The following JARID2 variants were observed in gnomAD, a reference collection of about 807,000 sequenced individuals.
JARID2 encodes protein Jumonji.
JARID2 carries 21 observed loss-of-function variants against 125.6 expected under a neutral mutation model. The ratio of observed to expected loss-of-function variants is 0.17; its 90% CI spans 0.12 to 0.24. JARID2 has a LOEUF of 0.24. JARID2 is among the 10% of genes least tolerant of loss of function. The pLI, the probability that JARID2 is intolerant of heterozygous loss-of-function variation, is 1.00. For synonymous variants in JARID2, 736 were observed against 661.6 expected (o/e 1.11, Z -1.73); for missense variants, 1,303 against 1,639.6 (o/e 0.79, Z 3.55).
chr6:15,482,027 G>C (rs1298170389), intron 5 of JARID2, among the ~76,000 whole-genome samples: 2 of 152,178 alleles, frequency 1.3e-5, no homozygotes, highest in Non-Finnish European at 2.9e-5. Flanking sequence ...CAATCAAAGA[G>C]TTGTGCATCT....
At chr6:15,516,095 A>G (rs1383599964) in intron 16 of JARID2, among the ~76,000 whole-genome samples, 1 of 151,758 alleles carries the variant, frequency 6.6e-6, no homozygotes, top group Non-Finnish European at 1.5e-5. Context: ...ACATTTGTGA[A>G]TTTAAATTTG....
intron 1 of JARID2, among the ~76,000 whole-genome samples, chr6:15,327,980 C>A (rs1354035797): frequency 2.6e-5 from 4 of 152,160 alleles, no homozygotes; most frequent in Admixed American, 6.5e-5. Flanking sequence ...TTTCAGAGAA[C>A]CCCTACCATC....
chr6:15,266,908 A>G (rs1196678817), intron 1 of JARID2, among the ~76,000 whole-genome samples: 1 of 152,172 alleles, frequency 6.6e-6, no homozygotes, highest in Admixed American at 6.5e-5. Flanking sequence ...GTCCAGGAGG[A>G]TCACCAGGCC....
At chr6:15,338,489 G>A (rs1289098482) in intron 1 of JARID2, among the ~76,000 whole-genome samples, 1 of 152,234 alleles carries the variant, frequency 6.6e-6, no homozygotes, top group Non-Finnish European at 1.5e-5. Context: ...TAGACATTGA[G>A]GACAGATGGG....
At chr6:15,424,853 C>G (rs1395757875) in intron 3 of JARID2, among the ~76,000 whole-genome samples, 1 of 152,154 alleles carries the variant, frequency 6.6e-6, no homozygotes, top group Non-Finnish European at 1.5e-5. Flanking sequence ...GAGCAAAACT[C>G]TGTCTCAAAC....
At chr6:15,416,422 C>T (rs1766214714) in intron 3 of JARID2, among the ~76,000 whole-genome samples, 1 of 152,224 alleles carries the variant, frequency 6.6e-6, no homozygotes, top group Admixed American at 6.5e-5. Context: ...GAACCAGACT[C>T]CGTCTGCAAT....
intron 1 of JARID2, among the ~76,000 whole-genome samples, chr6:15,334,604 C>T (rs1342833562): frequency 1.3e-5 from 2 of 152,186 alleles, no homozygotes; most frequent in Admixed American, 6.5e-5. Flanking sequence ...TTCCATTGCG[C>T]TTTGGGGTAC....
chr6:15,386,644 T>G (rs1334728339), intron 2 of JARID2, among the ~76,000 whole-genome samples: 1 of 152,238 alleles, frequency 6.6e-6, no homozygotes, highest in East Asian at 1.9e-4. Context: ...TAAATGTATT[T>G]GCTCATTGTG....
intron 1 of JARID2, among the ~76,000 whole-genome samples, chr6:15,317,326 A>G (rs1431664104): frequency 6.6e-6 from 1 of 152,154 alleles, no homozygotes; most frequent in East Asian, 1.9e-4. Context: ...CATTTAGGAT[A>G]ATAGTTTGAT....
intron 1 of JARID2, among the ~76,000 whole-genome samples, chr6:15,342,264 CT>C (rs1346525115): frequency 6.6e-6 from 1 of 152,238 alleles, no homozygotes; most frequent in African/African-American, 2.4e-5. Context: ...CACTTGGCCT[CT>C]GTGCGACTTA....
intron 3 of JARID2, among the ~76,000 whole-genome samples, chr6:15,445,879 T>C (rs1767652652): frequency 6.6e-6 from 1 of 152,166 alleles, no homozygotes; most frequent in Non-Finnish European, 1.5e-5. Flanking sequence ...TTTTTTTGTT[T>C]TCGTTTTCAA....
At chr6:15,251,990 G>C (rs1451008188) in intron 1 of JARID2, among the ~76,000 whole-genome samples, 1 of 152,114 alleles carries the variant, frequency 6.6e-6, no homozygotes, top group Non-Finnish European at 1.5e-5. Context: ...AGGTTGCAGT[G>C]AGCTGAGATC....
chr6:15,349,719 C>T (rs768010043), intron 1 of JARID2, among the ~76,000 whole-genome samples: 3 of 152,148 alleles, frequency 2.0e-5, no homozygotes, highest in Non-Finnish European at 2.9e-5. Flanking sequence ...CCACCCCTTA[C>T]GCTAGTGCTG....
chr6:15,494,908 TC>T (rs777920289), intron 6 of JARID2, among the ~76,000 whole-genome samples: 1 of 152,060 alleles, frequency 6.6e-6, no homozygotes, highest in African/African-American at 2.4e-5. Context: ...AAGTGCAGGC[TC>T]CCCCGACCCT....
Position 15,512,368 on chromosome 6 carries a change from G to A in JARID2, c.3113G>A (p.Ser1038Asn). Reference sequence around the variant, plus strand: ...CACTTTGCTACCACCCAGTGGACAAGTATGGGCTTTGAGACCGCCAAGGTG... The same window carrying A: ...CACTTTGCTACCACCCAGTGGACAAATATGGGCTTTGAGACCGCCAAGGTG... ...TVHFATTQWT[S>N]MGFETAKEMK... The change falls in exon 14 of 18, where the codon AGT (serine) becomes AAT (asparagine). Residue 1038 changes from serine to asparagine, a missense_variant. Around this residue, in one of 11 missense-constraint regions of JARID2, gnomAD observed 190 missense variants for 341.4 expected, o/e 0.56. Transcript: ENST00000341776. 6.2e-7 allele frequency: 1 copy of A among 1,614,216 alleles called. No individual in the cohort carries two copies. Among genetic ancestry groups the A allele is most frequent in the Non-Finnish European group, 8.5e-7 (1 of 1,180,028 alleles).
chr6:15,376,846 G>T (rs143826214), intron 2 of JARID2, among the ~76,000 whole-genome samples: 132 of 152,330 alleles, frequency 8.7e-4, no homozygotes, highest in African/African-American at 3.0e-3. Flanking sequence ...CTCTTCTGTA[G>T]GTGTTTTCGG....
chr6:15,276,008 C>G (rs1760487954), intron 1 of JARID2, among the ~76,000 whole-genome samples: 1 of 152,104 alleles, frequency 6.6e-6, no homozygotes, highest in Admixed American at 6.5e-5. Context: ...CACTGAGCAG[C>G]TTGTAGGAGA....
intron 2 of JARID2, among the ~76,000 whole-genome samples, chr6:15,378,542 C>T (rs919238479): frequency 6.6e-6 from 1 of 151,990 alleles, no homozygotes; most frequent in African/African-American, 2.4e-5. Context: ...ACTATGGGGC[C>T]TTTATGACTG....
rs544134846 is a variant in JARID2, at chr6:15,270,039, C to T, written c.45+23455C>T. Among the ~76,000 whole-genome samples, 95 of 152,178 alleles carry T rather than the reference C, an allele frequency of 6.2e-4. 1 individual carries two copies. Among genetic ancestry groups the T allele is most frequent in the Non-Finnish European group, 2.9e-4 (20 of 68,030 alleles). On this transcript the variant is annotated intron_variant, in intron 1 of 17. Transcript: ENST00000341776. ...GTATACAAAGGGAACATACTCATTT[C>T]TTAGTCTTTCTGTAGATCCTAGCAC...
Sources: gnomAD v4.1 joint callset for allele counts (sites outside exome capture counted in the v4.1 genomes callset) on GRCh38, gnomAD v4.1.1 for gene constraint, gnomAD v4.1.1 regional missense constraint, MANE v1.5 for transcripts, NCBI Gene and HGNC (gene_info 2026-07-23, HGNC 2026-07-21) for gene names.